MAP3K10: variants seen among roughly 807,000 people sequenced by gnomAD.
MAP3K10 encodes mitogen-activated protein kinase kinase kinase 10.
Under a neutral mutation model 75.0 loss-of-function variants are expected in MAP3K10, and 22 were observed. The ratio of observed to expected loss-of-function variants is 0.29; its 90% CI spans 0.21 to 0.42. MAP3K10 has a LOEUF of 0.42. Among genes scored for constraint, MAP3K10 ranks in the 10% least tolerant of loss-of-function variants. MAP3K10 has a pLI of 1.00. For missense variants in MAP3K10, 1,165 were observed against 1,379.8 expected (o/e 0.84, Z 2.47); for synonymous variants, 599 against 612.9 (o/e 0.98, Z 0.34).
In MAP3K10 at chr19:40,206,076, G is replaced by A. The variant is rs1973114779; in HGVS notation, c.1354G>A (p.Val452Ile). 6.2e-7 allele frequency: 1 copy of A among 1,613,394 alleles called. No homozygotes were observed. ...MCQLSQEKPR[V>I]RKRKGNFKRS... ...CCAGCTGAGCCAGGAGAAGCCCCGG[G>A]TCCGCAAGCGCAAGGGCAACTTCAA... Residue 452 changes from valine to isoleucine, a missense_variant, in exon 5 of 10, where the codon GTC (valine) becomes ATC (isoleucine). By Grantham distance (29) the Val-to-Ile change is conservative (BLOSUM62 3). Around this residue, in one of 2 missense-constraint regions of MAP3K10, gnomAD observed 575 missense variants for 793.2 expected, o/e 0.72. Coordinates refer to ENST00000253055, the MANE Select transcript of MAP3K10 (RefSeq NM_002446.4).
In MAP3K10 at chr19:40,214,155, C is replaced by T. The variant is rs1973303336; in HGVS notation, c.2476C>T (p.Arg826Trp). 3.9e-6 allele frequency: 6 copies of T among 1,530,644 alleles called. No homozygotes were observed. The highest frequency in any genetic ancestry group is 1.2e-5 in the South Asian group (1 of 82,892). 94.8% of individuals were successfully genotyped at this position (1,530,644 alleles called of 1,614,324 possible). ...TAACAVSRGHRRTPSDGALGQ... is the reference protein window; with the variant it reads ...TAACAVSRGHWRTPSDGALGQ... The stretch of plus-strand genomic sequence containing the variant: ...TGCATGCGCTGTGAGCCGCGGGCAC[C>T]GGCGGACGCCATCGGACGGGGCGCT... Residue 826 changes from arginine to tryptophan, a missense_variant, in exon 9 of 10, where the codon CGG becomes TGG. Coordinates refer to ENST00000253055, the MANE Select transcript of MAP3K10 (RefSeq NM_002446.4).
intron 1 of MAP3K10, among the ~76,000 whole-genome samples, chr19:40,196,138 C>T (rs1972901280): frequency 6.6e-6 from 1 of 152,106 alleles, no homozygotes; most frequent in African/African-American, 2.4e-5. Context: ...GTAAACTGTA[C>T]AGGGTTATGC....
intron 2 of MAP3K10, among the ~76,000 whole-genome samples, chr19:40,201,366 T>A (rs1042080488): frequency 2.6e-5 from 4 of 151,932 alleles, no homozygotes; most frequent in South Asian, 4.2e-4. Flanking sequence ...TTATTTTTTT[T>A]AATTTTTCAG....
intron 6 of MAP3K10, among the ~76,000 whole-genome samples, chr19:40,211,403 G>A (rs552322939): frequency 2.7e-5 from 4 of 149,606 alleles, no homozygotes; most frequent in South Asian, 4.2e-4. Flanking sequence ...TCTGGGGTAC[G>A]TGTGCAGGAT....
chr19:40,200,659 C>T (rs969692587), intron 2 of MAP3K10, among the ~76,000 whole-genome samples: 3 of 147,674 alleles, frequency 2.0e-5, no homozygotes, highest in African/African-American at 7.5e-5. Flanking sequence ...CACTCTGCCG[C>T]CCAGGCTGGA....
intron 5 of MAP3K10, among the ~76,000 whole-genome samples, chr19:40,207,959 C>G (rs1973153191): frequency 6.6e-6 from 1 of 151,878 alleles, no homozygotes. Flanking sequence ...AACTCCTGCG[C>G]TCAGGCAGCG....
intron 5 of MAP3K10, among the ~76,000 whole-genome samples, chr19:40,208,625 G>A (rs931109671): frequency 6.6e-6 from 1 of 151,128 alleles, no homozygotes; most frequent in Non-Finnish European, 1.5e-5. Flanking sequence ...ATTGCTCGAG[G>A]CCAAGAGTTC....
chr19:40,214,002 T>TGG lies in MAP3K10; in HGVS notation c.2323_2324insGG (p.Ser775TrpfsTer48). 1.3e-6 allele frequency: 2 copies of TGG among 1,493,650 alleles called. No individual in the cohort carries two copies. Among genetic ancestry groups the TGG allele is most frequent in the Non-Finnish European group, 1.8e-6 (2 of 1,123,838 alleles). 92.5% of individuals were successfully genotyped at this position (1,493,650 alleles called of 1,614,324 possible). A position where few individuals can be genotyped will look rare whatever the true frequency, so the allele number is the denominator to read the frequency against. Reference sequence around the variant, plus strand: ...TGACGAGGCCGCACCGGCCGCGCCCTCCCCACCACCCTCCCCGCCCGCGCC... The same window carrying TGG: ...TGACGAGGCCGCACCGGCCGCGCCCTGGCCCCACCACCCTCCCCGCCCGCGCC... On this transcript the variant is annotated frameshift_variant, in exon 9 of 10. Transcript: ENST00000253055. LOFTEE classifies it high-confidence loss of function.
At chr19:40,201,293 C>T (rs1430048581) in intron 2 of MAP3K10, among the ~76,000 whole-genome samples, 1 of 151,882 alleles carries the variant, frequency 6.6e-6, no homozygotes, top group Non-Finnish European at 1.5e-5. Flanking sequence ...CTGCCTCAGC[C>T]TCCCAAGTAG....
At position 40,214,002 on chromosome 19, in the gene MAP3K10, T is replaced by TCCCCCCCCCCCACCCCCCCCCC; in HGVS notation, c.2327_2328insCCCCCCCACCCCCCCCCCCCCC (p.Ser779ThrfsTer80). 6.7e-7 allele frequency: 1 copy of TCCCCCCCCCCCACCCCCCCCCC among 1,493,668 alleles called. No individual in the cohort carries two copies. The allele number at this position is 1,493,668 out of a possible 1,614,324, so 92.5% of individuals were successfully genotyped here. On this transcript the variant is annotated frameshift_variant, in exon 9 of 10. Coordinates refer to ENST00000253055, the MANE Select transcript of MAP3K10 (RefSeq NM_002446.4). LOFTEE classifies it high-confidence loss of function. ...TGACGAGGCCGCACCGGCCGCGCCCTCCCCACCACCCTCCCCGCCCGCGCC... is the reference window on the plus strand; with the variant it reads ...TGACGAGGCCGCACCGGCCGCGCCCTCCCCCCCCCCCACCCCCCCCCCCCCCACCACCCTCCCCGCCCGCGCC...
At position 40,214,172 on chromosome 19, in the gene MAP3K10, C is replaced by T. The variant is rs3746005; in HGVS notation, c.2493C>T (p.Asp831=). ...VSRGHRRTPS[D]GALGQRGPPE... ...GCGGGCACCGGCGGACGCCATCGGA[C>T]GGGGCGCTGGGGCAGCGGGGGCCGC... The change falls in exon 9 of 10, where the codon GAC becomes GAT. Residue 831 remains aspartate, a synonymous_variant. Coordinates refer to ENST00000253055, the MANE Select transcript of MAP3K10 (RefSeq NM_002446.4). 1,103,971 of 1,507,272 alleles carry T rather than the reference C, an allele frequency of 0.73. 404,762 individuals are homozygous for T. Among genetic ancestry groups the T allele is most frequent in the African/African-American group, 0.78 (54,869 of 70,000 alleles). The allele number at this position is 1,507,272 out of a possible 1,614,324, so 93.4% of individuals were successfully genotyped here. A position where few individuals can be genotyped will look rare whatever the true frequency, so the allele number is the denominator to read the frequency against.
chr19:40,208,345 C>CTTTTTTTTTTTT lies in MAP3K10; in HGVS notation c.1436-745_1436-734dup, dbSNP rs747110243. On this transcript the variant is annotated intron_variant, in intron 5 of 9. Transcript: ENST00000253055. Reference sequence around the variant, plus strand: ...CGCCACCACGCCTGGCTCTTTCTTTCTTTTTTTTTTTTTTTTTTTTTTTTG... The same window carrying CTTTTTTTTTTTT: ...CGCCACCACGCCTGGCTCTTTCTTTCTTTTTTTTTTTTTTTTTTTTTTTTTTTTTTTTTTTTG... 9.7e-3 allele frequency among the ~76,000 whole-genome samples: 544 copies of CTTTTTTTTTTTT among 55,870 alleles called. 4 individuals carry two copies. The highest frequency in any genetic ancestry group is 0.023 in the Middle Eastern group (1 of 44). 36.7% of individuals were successfully genotyped at this position (55,870 alleles called of 152,430 possible).
chr19:40,206,217 G>C, intron 5 of MAP3K10, 60 bp downstream of exon 5: 1 of 1,516,378 alleles, frequency 6.6e-7, no homozygotes, highest in Non-Finnish European at 8.8e-7. Context: ...CCCCGACCTA[G>C]GATTTATCTC....
Position 40,204,375 on chromosome 19 carries a change from G to A in MAP3K10, c.864-110G>A. 8.1e-7 allele frequency: 1 copy of A among 1,241,674 alleles called. No homozygotes were observed. The highest frequency in any genetic ancestry group is 1.1e-6 in the Non-Finnish European group (1 of 911,426). 76.9% of individuals were successfully genotyped at this position (1,241,674 alleles called of 1,614,324 possible). On this transcript the variant is annotated intron_variant, in intron 2 of 9. Transcript: ENST00000253055. This position sits in a 1 kb window ranked among gnomAD's most constrained non-coding sequence, Gnocchi z 4.3. The stretch of plus-strand genomic sequence containing the variant: ...AAGTTCTTGTGACCTCATTGGCCGG[G>A]GGTGGCTGTTGGGGTGAGGGCAGCC...
At position 40,192,946 on chromosome 19, in the gene MAP3K10, C is replaced by A. The variant is rs777935006; in HGVS notation, c.682+233C>A. On this transcript the variant is annotated intron_variant, in intron 1 of 9. Coordinates refer to ENST00000253055, the MANE Select transcript of MAP3K10 (RefSeq NM_002446.4). The surrounding 1 kb of genome is among the most constrained non-coding windows in gnomAD (Gnocchi z 7.1). ...GCCTCCCAGGCTGCAGAGTCACAAT[C>A]GCTCAGTAAACATGTATCCATGAAC... Among the ~76,000 whole-genome samples the A allele has an allele frequency of 5.9e-5, 9 of 152,142 alleles. No individual in the cohort carries two copies. Among genetic ancestry groups the A allele is most frequent in the Non-Finnish European group, 1.2e-4 (8 of 68,032 alleles).
In MAP3K10 at chr19:40,205,440, C is replaced by T. The variant is rs759258576; in HGVS notation, c.1188+144C>T. ...GCCTTTTTTGCATATTAAGAAAAGA[C>T]AGCCTCCTGTTGGTGGATTAATAAG... On this transcript the variant is annotated intron_variant, in intron 4 of 9. Coordinates refer to ENST00000253055, the MANE Select transcript of MAP3K10 (RefSeq NM_002446.4). This position sits in a 1 kb window ranked among gnomAD's most constrained non-coding sequence, Gnocchi z 4.3. 3 of 789,004 alleles carry T rather than the reference C, an allele frequency of 3.8e-6. No homozygotes were observed. The highest frequency in any genetic ancestry group is 6.0e-6 in the Non-Finnish European group (3 of 500,510). The allele number at this position is 789,004 out of a possible 1,614,324, so 48.9% of individuals were successfully genotyped here. A position where few individuals can be genotyped will look rare whatever the true frequency, so the allele number is the denominator to read the frequency against.
In MAP3K10 at chr19:40,192,736, A is replaced by T; in HGVS notation, c.682+23A>T. 1 of 1,510,588 alleles carries T rather than the reference A, an allele frequency of 6.6e-7. No homozygotes were observed. The highest frequency in any genetic ancestry group is 8.8e-7 in the Non-Finnish European group (1 of 1,130,606). 93.6% of individuals were successfully genotyped at this position (1,510,588 alleles called of 1,614,324 possible). A position where few individuals can be genotyped will look rare whatever the true frequency, so the allele number is the denominator to read the frequency against. On this transcript the variant is annotated intron_variant, in intron 1 of 9. Coordinates refer to ENST00000253055, the MANE Select transcript of MAP3K10 (RefSeq NM_002446.4). This position sits in a 1 kb window ranked among gnomAD's most constrained non-coding sequence, Gnocchi z 7.1. The stretch of plus-strand genomic sequence containing the variant: ...ACAGTAAGTGGTGTCCTCTCCCCAA[A>T]ATTCCTTCCACAGAACCTCTCAAGG...
chr19:40,201,980 C>G (rs1437041677), intron 2 of MAP3K10, among the ~76,000 whole-genome samples: 1 of 151,786 alleles, frequency 6.6e-6, no homozygotes, highest in Admixed American at 6.6e-5. Flanking sequence ...CCCCACCCCC[C>G]AGGCTCCAGG....
In MAP3K10 at chr19:40,192,197, G is replaced by A. The variant is rs747284453; in HGVS notation, c.166G>A (p.Glu56Lys). ...LSQDCAVSGD[E>K]GWWTGQLPSG... is the part of the protein sequence containing the mutation. ...CCAAGACTGTGCGGTGTCCGGCGAC[G>A]AGGGCTGGTGGACCGGGCAGCTCCC... Residue 56 changes from glutamate (E) to lysine (K), a missense_variant, in exon 1 of 10, where the codon GAG becomes AAG. Physicochemically the swap from Glu to Lys is moderately conservative, Grantham distance 56. Coordinates refer to ENST00000253055, the MANE Select transcript of MAP3K10 (RefSeq NM_002446.4). The surrounding 1 kb of genome is among the most constrained non-coding windows in gnomAD (Gnocchi z 7.1). The A allele has an allele frequency of 1.2e-6, 2 of 1,608,678 alleles. No homozygotes were observed. Among genetic ancestry groups the A allele is most frequent in the South Asian group, 1.1e-5 (1 of 90,512 alleles).
Sources: gnomAD v4.1 joint callset for allele counts (sites outside exome capture counted in the v4.1 genomes callset) on GRCh38, gnomAD v4.1.1 for gene constraint, gnomAD v4.1.1 regional missense constraint, Gnocchi (gnomAD v3.1) non-coding constraint, MANE v1.5 for transcripts, NCBI Gene and HGNC (gene_info 2026-07-23, HGNC 2026-07-21) for gene names.